Variants in CHRND observed in about 807,000 individuals in gnomAD.
CHRND encodes the protein cholinergic receptor nicotinic delta subunit.
A neutral mutation model predicts 57.8 loss-of-function variants in CHRND; 40 were observed. That is an observed-to-expected ratio of 0.69 (90% CI 0.54 to 0.90). The LOEUF (loss-of-function observed/expected upper bound fraction) is 0.90, where lower values mean the gene tolerates loss of function less well. CHRND is among the 40% of genes least tolerant of loss of function. CHRND has a pLI of 0.00. For synonymous variants in CHRND, 237 were observed against 270.6 expected (o/e 0.88, Z 1.22); for missense variants, 634 against 673.9 (o/e 0.94, Z 0.66).
rs60481847 is a variant in CHRND at position 232,527,302 on chromosome 2, G to GAAA, written c.199-92_199-90dup. 247 of 942,220 alleles carry GAAA rather than the reference G, an allele frequency of 2.6e-4. 1 individual carries two copies. The highest frequency in any genetic ancestry group is 6.9e-4 in the African/African-American group (42 of 61,256). The allele number at this position is 942,220 out of a possible 1,614,324, so 58.4% of individuals were successfully genotyped here. A position where few individuals can be genotyped will look rare whatever the true frequency, so the allele number is the denominator to read the frequency against. Reference sequence around the variant, plus strand: ...TCCTGGGCAATTGAGCAAGACCCTGGAAAAAAAAAGAGAGAGAGAGAGAGA... The same window carrying GAAA: ...TCCTGGGCAATTGAGCAAGACCCTGGAAAAAAAAAAAAGAGAGAGAGAGAGAGA... On this transcript the variant is annotated intron_variant, in intron 2 of 11. Transcript: ENST00000258385.
intron 2 of CHRND, 35 bp from the exon 3 acceptor site, chr2:232,527,366 T>C: frequency 1.9e-6 from 3 of 1,558,396 alleles, no homozygotes; most frequent in Non-Finnish European, 2.7e-6. Flanking sequence ...AAGAATGATA[T>C]GGCCCTGAAG....
chr2:232,528,481 T>C lies in CHRND; in HGVS notation c.354-20T>C. 1 of 1,613,948 alleles carries C rather than the reference T, an allele frequency of 6.2e-7. No homozygotes were observed. Among genetic ancestry groups the C allele is most frequent in the Non-Finnish European group, 8.5e-7 (1 of 1,179,998 alleles). ...CGTGAGTGGCCAGAGCTCACTATGG[T>C]TCTTGTCCCTGTCCCCCAGCAATGA... On this transcript the variant is annotated intron_variant, in intron 4 of 11. Coordinates refer to ENST00000258385, the MANE Select transcript of CHRND (RefSeq NM_000751.3).
At position 232,528,901 on chromosome 2, in the gene CHRND, G is replaced by A. The variant is rs756443952; in HGVS notation, c.549G>A (p.Leu183=). Residue 183 remains leucine, a synonymous_variant, in exon 6 of 12, where the codon CTG becomes CTA. Transcript: ENST00000258385. ...CGGCCAAAGAGATCACCCTGAGCCT[G>A]AAACAGGATGCCAAGGAGAACCGCA... The part of the protein sequence containing the change: ...KYTAKEITLS[L]KQDAKENRTY... 7.4e-6 allele frequency: 12 copies of A among 1,614,098 alleles called. No individual in the cohort carries two copies. In the South Asian group the frequency reaches 1.3e-4, roughly 18 times the overall value.
Position 232,528,932 on chromosome 2 carries a change from C to T in CHRND, c.580C>T (p.Pro194Ser), listed in dbSNP as rs1391600971. The T allele has an allele frequency of 1.2e-6, 2 of 1,614,142 alleles. No individual in the cohort carries two copies. Among genetic ancestry groups the T allele is most frequent in the Non-Finnish European group, 1.7e-6 (2 of 1,180,026 alleles). ...KQDAKENRTYPVEWIIIDPEG... is the reference protein window; with the variant it reads ...KQDAKENRTYSVEWIIIDPEG... ...GGATGCCAAGGAGAACCGCACCTAC[C>T]CCGTGGAGTGGATCATCATTGATCC... The change falls in exon 6 of 12, where the codon CCC becomes TCC. Residue 194 changes from proline to serine, a missense_variant. Transcript: ENST00000258385.
intron 9 of CHRND, among the ~76,000 whole-genome samples, chr2:232,533,573 A>AC (rs1691780907): frequency 6.6e-6 from 1 of 152,040 alleles, no homozygotes; most frequent in South Asian, 2.1e-4. Flanking sequence ...TGTAAAGGTC[A>AC]CCCCATGCTT....
rs1691802155 is a variant in CHRND at position 232,534,032 on chromosome 2, C to A, written c.1149C>A (p.Tyr383Ter). The A allele has an allele frequency of 6.2e-7, 1 of 1,614,012 alleles. No homozygotes were observed. Among genetic ancestry groups the A allele is most frequent in the African/African-American group, 1.3e-5 (1 of 74,948 alleles). ...ALVRRSSSLG[Y>*]ISKAEEYFLL... ...TGCGGAGGAGCAGCTCCCTGGGATA[C>A]ATCTCCAAGGCCGAGGAGTACTTCC... Residue 383 changes from tyrosine (Y) to a stop codon, truncating the protein, a stop_gained, in exon 10 of 12, where the codon TAC becomes TAA. Coordinates refer to ENST00000258385, the MANE Select transcript of CHRND (RefSeq NM_000751.3). LOFTEE classifies it high-confidence loss of function.
chr2:232,529,885 T>C, intron 6 of CHRND, 54 bp from the exon 7 acceptor site: 1 of 1,588,714 alleles, frequency 6.3e-7, no homozygotes, highest in Non-Finnish European at 8.6e-7. Flanking sequence ...CCCCAGGCCC[T>C]GCCTAGCCCC....
intron 2 of CHRND, 27 bp downstream of exon 2, chr2:232,526,701 G>C: frequency 1.9e-6 from 3 of 1,611,928 alleles, no homozygotes; most frequent in Non-Finnish European, 2.5e-6. Context: ...TGCTGGGTTG[G>C]GAGGGAGGGC....
In CHRND at chr2:232,536,500, T is replaced by A. The variant is rs1245619114; in HGVS notation, c.*1188T>A. ...ACAGCCACGTGAGTGAATGTGGAAG[T>A]GGATCCTCTGCCCCAGTAGGGCCTT... On this transcript the variant is annotated 3_prime_UTR_variant, in exon 12 of 12. Transcript: ENST00000258385. The A allele has an allele frequency of 1.3e-5, 6 of 453,370 alleles. No individual in the cohort carries two copies. In the East Asian group the frequency reaches 2.8e-4, roughly 21 times the overall value. The allele number at this position is 453,370 out of a possible 1,614,324, so 28.1% of individuals were successfully genotyped here. A position where few individuals can be genotyped will look rare whatever the true frequency, so the allele number is the denominator to read the frequency against.
At chr2:232,532,911 A>G (rs1216843964) in intron 9 of CHRND, among the ~76,000 whole-genome samples, 1 of 152,208 alleles carries the variant, frequency 6.6e-6, no homozygotes, top group Admixed American at 6.5e-5. Context: ...GCAACTCAGA[A>G]GGAAGAAGGG....
chr2:232,532,920 G>A (rs1691758775), intron 9 of CHRND, among the ~76,000 whole-genome samples: 1 of 152,208 alleles, frequency 6.6e-6, no homozygotes, highest in Non-Finnish European at 1.5e-5. Flanking sequence ...AAGGAAGAAG[G>A]GGAGGACTGA....
In CHRND at chr2:232,535,167, A is replaced by C. The variant is rs1574638528; in HGVS notation, c.1409A>C (p.Asp470Ala). ...DSWNRVARTV[D>A]RLCLFVVTPV... The stretch of plus-strand genomic sequence containing the variant: ...TGGAACCGAGTGGCCCGCACAGTGG[A>C]CCGCCTCTGCCTGTTTGTGGTGACG... The change falls in exon 12 of 12, where the codon GAC becomes GCC. Residue 470 changes from aspartate (D) to alanine (A), a missense_variant. Physicochemically the swap from Asp to Ala is moderately radical, Grantham distance 126. Coordinates refer to ENST00000258385, the MANE Select transcript of CHRND (RefSeq NM_000751.3). 1 of 1,614,070 alleles carries C rather than the reference A, an allele frequency of 6.2e-7. No individual in the cohort carries two copies. Among genetic ancestry groups the C allele is most frequent in the Non-Finnish European group, 8.5e-7 (1 of 1,180,000 alleles).
Position 232,531,674 on chromosome 2 carries a change from C to T in CHRND, c.1047+18C>T, listed in dbSNP as rs779484436. 25 of 1,592,386 alleles carry T rather than the reference C, an allele frequency of 1.6e-5. No homozygotes were observed. Among genetic ancestry groups the T allele is most frequent in the South Asian group, 1.1e-4 (10 of 90,726 alleles). ...TCAAGAAGGTGAGTACTTGGCCCGG[C>T]GCAAAAGCTCACCACTGTAATCCTG... On this transcript the variant is annotated intron_variant, in intron 9 of 11. Transcript: ENST00000258385.
intron 11 of CHRND, among the ~76,000 whole-genome samples, chr2:232,534,867 C>T (rs1691828710): frequency 6.6e-6 from 1 of 152,244 alleles, no homozygotes; most frequent in African/African-American, 2.4e-5. Flanking sequence ...GCCTCAGTTC[C>T]TCTCTAGCCC....
chr2:232,526,742 T>C, intron 2 of CHRND, 68 bp downstream of exon 2: 1 of 1,557,558 alleles, frequency 6.4e-7, no homozygotes, highest in South Asian at 1.1e-5. Flanking sequence ...AGGATAGCCA[T>C]GGAGGAAGCT....
intron 11 of CHRND, 55 bp from the exon 12 acceptor site, chr2:232,535,074 TG>T: frequency 6.2e-7 from 1 of 1,602,896 alleles, no homozygotes. Context: ...AGCTTGGGGG[TG>T]GGGCTTTGTG....
intron 1 of CHRND, 30 bp downstream of exon 1, chr2:232,526,297 G>A: frequency 1.9e-6 from 3 of 1,607,370 alleles, no homozygotes; most frequent in Non-Finnish European, 2.5e-6. Flanking sequence ...CCACCCTGGG[G>A]TCCCCCGTGA....
chr2:232,527,515 G>A (rs367693084), intron 3 of CHRND, 70 bp downstream of exon 3: 3 of 1,167,702 alleles, frequency 2.6e-6, no homozygotes, highest in Non-Finnish European at 3.9e-6. Context: ...AAGGCCGAGG[G>A]GGGTGGATCA....
chr2:232,531,562 T>C lies in CHRND; in HGVS notation c.953T>C (p.Val318Ala). The C allele has an allele frequency of 6.2e-7, 1 of 1,614,080 alleles. No homozygotes were observed. Among genetic ancestry groups the C allele is most frequent in the East Asian group, 2.2e-5 (1 of 44,876 alleles). Residue 318 changes from valine (V) to alanine (A), a missense_variant, in exon 9 of 12, where the codon GTG (valine) becomes GCG (alanine). Transcript: ENST00000258385. ...LIGKFLLFGM[V>A]LVTMVVVICV... ...CACAGGTTCCTGCTCTTCGGCATGG[T>C]GCTGGTCACCATGGTTGTGGTGATC...
Sources: allele counts gnomAD v4.1 joint callset (sites outside exome capture counted in the v4.1 genomes callset), GRCh38; gene constraint gnomAD v4.1.1; transcripts MANE v1.5; gene names NCBI Gene and HGNC (gene_info 2026-07-23, HGNC 2026-07-21).